Variants in PEBP4 observed in about 807,000 individuals in gnomAD.
PEBP4 encodes the protein phosphatidylethanolamine binding protein 4.
A neutral mutation model predicts 23.9 loss-of-function variants in PEBP4; 22 were observed. The observed-to-expected ratio is 0.92, with a 90% CI of 0.66 to 1.31. The LOEUF is 1.31. PEBP4 is among the 40% of genes most tolerant of loss of function. The pLI is 0.00. For missense variants in PEBP4, 324 were observed against 281.7 expected (o/e 1.15, Z -1.07); for synonymous variants, 112 against 99.3 (o/e 1.13, Z -0.76).
chr8:22,859,029 A>G (rs1807712371), intron 3 of PEBP4, among the ~76,000 whole-genome samples: 2 of 152,228 alleles, frequency 1.3e-5, no homozygotes, highest in Non-Finnish European at 2.9e-5. Flanking sequence ...AGAAGTCAGC[A>G]TGGCACGGGT....
intron 4 of PEBP4, among the ~76,000 whole-genome samples, chr8:22,816,461 A>G (rs1333816141): frequency 6.6e-6 from 1 of 152,252 alleles, no homozygotes; most frequent in Non-Finnish European, 1.5e-5. Context: ...GATAGTCACA[A>G]GCTAGTTCAG....
Position 22,854,980 on chromosome 8 carries a change from G to T in PEBP4, c.259-37245C>A, listed in dbSNP as rs534060239. On this transcript the variant is annotated intron_variant, in intron 3 of 6. Transcript: ENST00000256404. ...TGCGTGCAAGCTTGTCCAAATGAGT[G>T]TGTATGTGTGAGTATGCACGCACAC... 4.0e-5 allele frequency among the ~76,000 whole-genome samples: 6 copies of T among 148,254 alleles called. No individual in the cohort carries two copies. In the South Asian group the frequency reaches 6.7e-4, roughly 17 times the overall value.
At chr8:22,911,444 C>T (rs1352107431) in intron 3 of PEBP4, among the ~76,000 whole-genome samples, 1 of 152,196 alleles carries the variant, frequency 6.6e-6, no homozygotes, top group Non-Finnish European at 1.5e-5. Flanking sequence ...AGCAGCAGCT[C>T]CCCACAGCAG....
rs779519273 is a variant in PEBP4, at chr8:22,724,886, T to A, written c.474A>T (p.Glu158Asp). Residue 158 changes from glutamate (E) to aspartate (D), a missense_variant, in exon 6 of 7, where the codon GAA becomes GAT. Physicochemically the swap from Glu to Asp is conservative, Grantham distance 45. Coordinates refer to ENST00000256404, the MANE Select transcript of PEBP4 (RefSeq NM_144962.3). The part of the protein sequence containing the change: ...HRYQFFVYLQ[E>D]GKVISLLPKE... Reference sequence around the variant, plus strand: ...TGGGAAGGAGAGAGATGACTTTTCCTTCCTGAAGATAGACAAAGAACTGGT... The same window carrying A: ...TGGGAAGGAGAGAGATGACTTTTCCATCCTGAAGATAGACAAAGAACTGGT... The A allele has an allele frequency of 6.2e-7, 1 of 1,614,166 alleles. No individual in the cohort carries two copies. Among genetic ancestry groups the A allele is most frequent in the Non-Finnish European group, 8.5e-7 (1 of 1,180,010 alleles).
At chr8:22,926,995 G>A (rs1809350920) in intron 2 of PEBP4, among the ~76,000 whole-genome samples, 1 of 152,148 alleles carries the variant, frequency 6.6e-6, no homozygotes, top group African/African-American at 2.4e-5. Context: ...CAGAGTTGGT[G>A]AGGAGAGAGC....
intron 4 of PEBP4, among the ~76,000 whole-genome samples, chr8:22,801,772 C>G (rs1806387698): frequency 6.6e-6 from 1 of 152,104 alleles, no homozygotes; most frequent in African/African-American, 2.4e-5. Flanking sequence ...AGCAGCCCGG[C>G]TCCCAGCCAC....
upstream of PEBP4, among the ~76,000 whole-genome samples, chr8:22,928,574 C>T (rs1004399237): frequency 2.0e-5 from 3 of 152,092 alleles, no homozygotes; most frequent in Non-Finnish European, 4.4e-5. Context: ...GTCCTGCCAC[C>T]AGGTGCATGT....
intron 4 of PEBP4, among the ~76,000 whole-genome samples, chr8:22,809,518 G>A (rs1408761155): frequency 6.6e-6 from 1 of 152,144 alleles, no homozygotes; most frequent in African/African-American, 2.4e-5. Context: ...TAGCAATATG[G>A]CCTCATGAGT....
At chr8:22,929,498 G>A (rs548284843), upstream of PEBP4, among the ~76,000 whole-genome samples, 12 of 152,314 alleles carry the variant, frequency 7.9e-5, no homozygotes, top group East Asian at 3.9e-4. Context: ...TTCCAGTGGC[G>A]GTTCTTCCTT....
chr8:22,927,306 AC>A (rs1809361656), intron 2 of PEBP4, among the ~76,000 whole-genome samples: 1 of 150,710 alleles, frequency 6.6e-6, no homozygotes, highest in Admixed American at 6.6e-5. Context: ...CCCCACAAAG[AC>A]CCCCCAGGTT....
At chr8:22,850,363 G>A (rs958122559) in intron 3 of PEBP4, among the ~76,000 whole-genome samples, 1 of 152,174 alleles carries the variant, frequency 6.6e-6, no homozygotes, top group African/African-American at 2.4e-5. Flanking sequence ...GCCTGATGGT[G>A]GGAAGGGACT....
chr8:22,854,408 A>T (rs1273608400), intron 3 of PEBP4, among the ~76,000 whole-genome samples: 1 of 152,166 alleles, frequency 6.6e-6, no homozygotes, highest in African/African-American at 2.4e-5. Flanking sequence ...ATGCATACAC[A>T]ATAGTATTAT....
At chr8:22,791,654 G>A (rs569699526) in intron 4 of PEBP4, among the ~76,000 whole-genome samples, 4 of 152,272 alleles carry the variant, frequency 2.6e-5, no homozygotes, top group South Asian at 4.1e-4. Flanking sequence ...AGGCAGCCGC[G>A]GAAGTGTAGA....
intron 4 of PEBP4, among the ~76,000 whole-genome samples, chr8:22,741,649 G>T (rs1373529312): frequency 6.6e-6 from 1 of 152,156 alleles, no homozygotes; most frequent in Non-Finnish European, 1.5e-5. Flanking sequence ...CCCCATCAGT[G>T]GGTGGCTGTC....
chr8:22,878,221 G>GGGGAGAGGGAGGGGGA (rs1169394532), intron 3 of PEBP4: 27 of 151,848 alleles, frequency 1.8e-4, no homozygotes, highest in African/African-American at 5.8e-4. Flanking sequence ...GGAGAGGGAG[G>GGGGAGAGGGAGGGGGA]GGGAGAGGGA....
chr8:22,744,675 G>T (rs1805075803), intron 4 of PEBP4: 1 of 152,304 alleles, frequency 6.6e-6, no homozygotes, highest in Admixed American at 6.5e-5. Context: ...GACAGAAGAA[G>T]AGGAACATTT....
chr8:22,855,378 T>C (rs1807624089), intron 3 of PEBP4, among the ~76,000 whole-genome samples: 1 of 152,146 alleles, frequency 6.6e-6, no homozygotes, highest in African/African-American at 2.4e-5. Flanking sequence ...ATCCCCCAGA[T>C]GAGATCTCTA....
intron 4 of PEBP4, among the ~76,000 whole-genome samples, chr8:22,768,587 C>T (rs918512603): frequency 3.3e-5 from 5 of 152,154 alleles, no homozygotes; most frequent in Admixed American, 6.5e-5. Context: ...CCCAGCCCTT[C>T]GGTTGCCAAG....
chr8:22,900,611 G>A (rs111386295), intron 3 of PEBP4, among the ~76,000 whole-genome samples: 2,283 of 151,484 alleles, frequency 0.015, 45 homozygotes, highest in African/African-American at 0.052. Flanking sequence ...ATCATGCCAC[G>A]GTACTCCAGC....
Sources: gnomAD v4.1 joint callset for allele counts (sites outside exome capture counted in the v4.1 genomes callset) on GRCh38, gnomAD v4.1.1 for gene constraint, MANE v1.5 for transcripts, NCBI Gene and HGNC (gene_info 2026-07-23, HGNC 2026-07-21) for gene names.